Variants in RTEL1 observed in about 807,000 individuals in gnomAD.
The protein encoded by RTEL1 is regulator of telomere elongation helicase 1.
A neutral mutation model predicts 162.2 loss-of-function variants in RTEL1; 86 were observed. The observed-to-expected ratio is 0.53, with a 90% CI of 0.45 to 0.63. The LOEUF is 0.63. Ranked by LOEUF, RTEL1 falls within the 30% of genes least tolerant of loss-of-function variation. RTEL1 has a pLI of 0.00. For synonymous variants in RTEL1, 958 were observed against 717.9 expected, an observed-to-expected ratio of 1.33 and a Z score of -5.35; for missense variants, 1,941 against 1,750.2, an observed-to-expected ratio of 1.11 and a Z score of -1.95.
At position 63,691,813 on chromosome 20, in the gene RTEL1, G is replaced by A. The variant is rs2090752433; in HGVS notation, c.2628G>A (p.Lys876=). The A allele has an allele frequency of 2.5e-6, 4 of 1,611,868 alleles. No homozygotes were observed. Among genetic ancestry groups the A allele is most frequent in the Non-Finnish European group, 2.5e-6 (3 of 1,179,812 alleles). Residue 876 remains lysine, a synonymous_variant, in exon 28 of 35, where the codon AAG becomes AAA. Coordinates refer to ENST00000360203, the MANE Select transcript of RTEL1 (RefSeq NM_001283009.2). ...CAGAAGAACCGCGAGGAGGGAGGAA[G>A]AAGATCCGGCTGGTCAGCCACCCGG... The part of the protein sequence containing the change: ...RPAEEPRGGR[K]KIRLVSHPEE...
rs2089978195 is a variant in RTEL1 at position 63,659,647 on chromosome 20, G to A, written c.102+143G>A. ...GTCATAAAAAGGGCTGGTGTTCCAG[G>A]TGGGGTCAGAGAGAGGATTGACAAG... On this transcript the variant is annotated intron_variant, in intron 2 of 34. Transcript: ENST00000360203. The A allele has an allele frequency of 7.3e-6, 5 of 688,828 alleles. No individual in the cohort carries two copies. The South Asian group carries it at 8.1e-5, about 11-fold the overall frequency. 42.7% of individuals were successfully genotyped at this position (688,828 alleles called of 1,614,324 possible).
rs757018726 is a variant in RTEL1, at chr20:63,693,177, G to T, written c.2886G>T (p.Gln962His). ...FYQFVRPHHK[Q>H]QFEEVCIQLT... The stretch of plus-strand genomic sequence containing the variant: ...AGTTTGTGCGGCCCCACCATAAGCA[G>T]CAGTTTGAGGAGGTCTGTATCCAGC... The change falls in exon 30 of 35, where the codon CAG (glutamine) becomes CAT (histidine). Residue 962 changes from glutamine to histidine, a missense_variant. Physicochemically the swap from Gln to His is conservative, Grantham distance 24. Coordinates refer to ENST00000360203, the MANE Select transcript of RTEL1 (RefSeq NM_001283009.2). 6 of 1,612,194 alleles carry T rather than the reference G, an allele frequency of 3.7e-6. No homozygotes were observed. In the South Asian group the frequency reaches 5.5e-5, roughly 15 times the overall value.
rs2090643711 is a variant in RTEL1 at position 63,688,368 on chromosome 20, G to A, written c.1704G>A (p.Lys568=). 6.2e-7 allele frequency: 1 copy of A among 1,612,564 alleles called. No individual in the cohort carries two copies. Among genetic ancestry groups the A allele is most frequent in the African/African-American group, 1.3e-5 (1 of 74,938 alleles). The change falls in exon 20 of 35, where the codon AAG becomes AAA. Residue 568 remains lysine (K), a synonymous_variant. Transcript: ENST00000360203. ...TCCCTTCCTATCCTGTCATGGAGAA[G>A]AGCCTGGAGTTCTGGCGGGTGCGTC... ...IFFPSYPVME[K]SLEFWRARDL...
chr20:63,678,872 CG>C (rs111280728), intron 12 of RTEL1, among the ~76,000 whole-genome samples: 3,965 of 141,118 alleles, frequency 0.028, 487 homozygotes, highest in African/African-American at 0.11. Flanking sequence ...GACTCTCCCA[CG>C]GAACAGCACA....
rs918030916 is a variant in RTEL1 at position 63,658,426 on chromosome 20, G to A, written c.-211G>A. ...ACTGGAGTCGGTTGAGTTCCTGAGG[G>A]ACCCCGGTTCTGGAAGGTTCGCCGC... On this transcript the variant is annotated 5_prime_UTR_variant, in exon 1 of 35. Transcript: ENST00000360203. 5 of 152,488 alleles carry A rather than the reference G, an allele frequency of 3.3e-5. No individual in the cohort carries two copies. The highest frequency in any genetic ancestry group is 7.3e-5 in the Non-Finnish European group (5 of 68,106). 9.4% of individuals were successfully genotyped at this position (152,488 alleles called of 1,614,324 possible). A position where few individuals can be genotyped will look rare whatever the true frequency, so the allele number is the denominator to read the frequency against.
In RTEL1 at chr20:63,693,082, G is replaced by A. The variant is rs6089960; in HGVS notation, c.2852-61G>A. On this transcript the variant is annotated intron_variant, in intron 29 of 34. Transcript: ENST00000360203. ...TGGGGTGGGGGCCATCTGGGTCCAAGGTGGTCTCTGTTCTCTAGAGAAAAA... is the reference window on the plus strand; with the variant it reads ...TGGGGTGGGGGCCATCTGGGTCCAAAGTGGTCTCTGTTCTCTAGAGAAAAA... 3.1e-6 allele frequency: 5 copies of A among 1,610,806 alleles called. No individual in the cohort carries two copies. In the Admixed American group the frequency reaches 5.0e-5, roughly 16 times the overall value.
chr20:63,696,176 A>C lies in RTEL1; in HGVS notation c.*318A>C. ...TGAGCCCCTCACCGGGAAGGAGGAG[A>C]CCCCCGTGGGCACGTGTCCACTTTT... On this transcript the variant is annotated 3_prime_UTR_variant, in exon 35 of 35. Coordinates refer to ENST00000360203, the MANE Select transcript of RTEL1 (RefSeq NM_001283009.2). The C allele has an allele frequency of 4.4e-6, 2 of 452,982 alleles. No individual in the cohort carries two copies. The highest frequency in any genetic ancestry group is 4.0e-6 in the Non-Finnish European group (1 of 253,140). The allele number at this position is 452,982 out of a possible 1,614,324, so 28.1% of individuals were successfully genotyped here.
chr20:63,663,772 C>A (rs1420019951), intron 6 of RTEL1, among the ~76,000 whole-genome samples: 3 of 152,166 alleles, frequency 2.0e-5, no homozygotes, highest in South Asian at 2.1e-4. Flanking sequence ...AAGGCATCGG[C>A]GGTCCTGTGG....
Position 63,692,913 on chromosome 20 carries a change from G to C in RTEL1, c.2761G>C (p.Asp921His), listed in dbSNP as rs765668627. Residue 921 changes from aspartate (D) to histidine (H), a missense_variant, in exon 29 of 35, where the codon GAC becomes CAC. Physicochemically the swap from Asp to His is moderately conservative, Grantham distance 81. Transcript: ENST00000360203. ...TGCCACCTTCACCCAGGCCCTGCAG[G>C]ACTACAAGGGTTCCGATGACTTCGC... ...NFATFTQALQ[D>H]YKGSDDFAAL... 168 of 1,612,554 alleles carry C rather than the reference G, an allele frequency of 1.0e-4. No individual in the cohort carries two copies. The highest frequency in any genetic ancestry group is 1.4e-4 in the Non-Finnish European group (164 of 1,179,882).
chr20:63,659,098 G>T, intron 1 of RTEL1, 135 bp from the exon 2 acceptor site: 1 of 332,290 alleles, frequency 3.0e-6, no homozygotes, highest in South Asian at 4.5e-5. Context: ...TCTTCGCCCC[G>T]CCAGCTCCTC....
intron 14 of RTEL1, chr20:63,681,411 C>T (rs1431999087): frequency 5.1e-6 from 5 of 985,216 alleles, no homozygotes; most frequent in East Asian, 1.1e-4. Flanking sequence ...AGCCAAGGCA[C>T]AGGTGGCTGT....
In RTEL1 at chr20:63,661,899, G is replaced by A. The variant is rs1290133533; in HGVS notation, c.351G>A (p.Ser117=). 2.5e-6 allele frequency: 4 copies of A among 1,613,840 alleles called. No individual in the cohort carries two copies. Among genetic ancestry groups the A allele is most frequent in the African/African-American group, 1.3e-5 (1 of 74,842 alleles). ...TTATTTACGCCTCCAGGACCCACTC[G>A]CAACTCACACAGGTCATCAACGAGC... ...PKIIYASRTH[S]QLTQVINELR... The change falls in exon 4 of 35, where the codon TCG becomes TCA. Residue 117 remains serine (S), a synonymous_variant. Transcript: ENST00000360203. The surrounding 1 kb of genome is among the most constrained non-coding windows in gnomAD (Gnocchi z 5.1).
chr20:63,665,789 TG>T (rs575274036), intron 6 of RTEL1, among the ~76,000 whole-genome samples: 14 of 152,252 alleles, frequency 9.2e-5, no homozygotes, highest in African/African-American at 3.1e-4. Context: ...TCAGGCCTTC[TG>T]GGGGCAGAGG....
rs1410917268 is a variant in RTEL1 at position 63,668,041 on chromosome 20, A to G, written c.699+488A>G. ...CCCCACAGCATGTGCCCGGCCTGAC[A>G]CTCACTCCCCTCCTCCCAGTGTGTG... is the stretch of plus-strand genomic sequence containing the variant. On this transcript the variant is annotated intron_variant, in intron 8 of 34. Transcript: ENST00000360203. This position sits in a 1 kb window ranked among gnomAD's most constrained non-coding sequence, Gnocchi z 4.3. Among the ~76,000 whole-genome samples the G allele has an allele frequency of 2.9e-5, 3 of 104,602 alleles. No individual in the cohort carries two copies. The highest frequency in any genetic ancestry group is 5.7e-5 in the Non-Finnish European group (3 of 52,554). 68.6% of individuals were successfully genotyped at this position (104,602 alleles called of 152,430 possible).
intron 8 of RTEL1, among the ~76,000 whole-genome samples, chr20:63,670,661 C>A (rs950488145): frequency 6.6e-6 from 1 of 152,058 alleles, no homozygotes; most frequent in Non-Finnish European, 1.5e-5. Flanking sequence ...GGCAAACAGC[C>A]GAGCCGGGAG....
Position 63,695,822 on chromosome 20 carries a change from G to C in RTEL1, c.3867G>C (p.Gln1289His). The C allele has an allele frequency of 6.2e-7, 1 of 1,600,458 alleles. No individual in the cohort carries two copies. The highest frequency in any genetic ancestry group is 8.5e-7 in the Non-Finnish European group (1 of 1,174,966). The change falls in exon 35 of 35, where the codon CAG (glutamine) becomes CAC (histidine). Residue 1289 changes from glutamine (Q) to histidine (H), a missense_variant. By Grantham distance (24) the Gln-to-His change is conservative. Coordinates refer to ENST00000360203, the MANE Select transcript of RTEL1 (RefSeq NM_001283009.2). ...CCTGCCACACCGCCTCCAGGAAGCA[G>C]AGCGTCATGCAGGTCTTCTGGCCAG... ...CPACHTASRK[Q>H]SVMQVFWPEP...
At position 63,680,656 on chromosome 20, in the gene RTEL1, C is replaced by T. The variant is rs2090460814; in HGVS notation, c.1136-8C>T. Reference sequence around the variant, plus strand: ...CAGTGTGGGTGTCAGCGCCCTGCTGCCCTCCAGGTGCTGGAGTGTTCACCA... The same window carrying T: ...CAGTGTGGGTGTCAGCGCCCTGCTGTCCTCCAGGTGCTGGAGTGTTCACCA... On this transcript the variant is annotated splice_region_variant and splice_polypyrimidine_tract_variant and intron_variant, in intron 13 of 34. Transcript: ENST00000360203. The T allele has an allele frequency of 6.2e-7, 1 of 1,612,944 alleles. No homozygotes were observed. The highest frequency in any genetic ancestry group is 8.5e-7 in the Non-Finnish European group (1 of 1,179,894).
intron 27 of RTEL1, among the ~76,000 whole-genome samples, chr20:63,691,360 C>G (rs1480809859): frequency 6.6e-6 from 1 of 152,168 alleles, no homozygotes; most frequent in Non-Finnish European, 1.5e-5. Flanking sequence ...TTCCTCAGGC[C>G]AACCCGAAAT....
At chr20:63,682,337 C>T (rs1426055016) in intron 14 of RTEL1, 1 of 983,052 alleles carries the variant, frequency 1.0e-6, no homozygotes, top group Non-Finnish European at 1.2e-6. Context: ...TCCTGGAACG[C>T]GGCCTCCCAG....
Sources: allele counts gnomAD v4.1 joint callset (sites outside exome capture counted in the v4.1 genomes callset), GRCh38; gene constraint gnomAD v4.1.1; non-coding constraint Gnocchi (gnomAD v3.1); transcripts MANE v1.5; gene names NCBI Gene and HGNC (gene_info 2026-07-23, HGNC 2026-07-21).